The following MRTFB variants were observed in gnomAD, a reference collection of about 807,000 sequenced individuals.
MRTFB encodes the protein myocardin related transcription factor B.
MRTFB carries 29 observed loss-of-function variants against 104.2 expected under a neutral mutation model. That is an observed-to-expected ratio of 0.28 (90% CI 0.21 to 0.38). The LOEUF (loss-of-function observed/expected upper bound fraction) is 0.38. MRTFB is among the 10% of genes least tolerant of loss of function. MRTFB has a pLI of 1.00. For missense variants in MRTFB, 1,270 were observed against 1,341.6 expected (o/e 0.95, Z 0.83); for synonymous variants, 535 against 519.5 (o/e 1.03, Z -0.41).
intron 3 of MRTFB, among the ~76,000 whole-genome samples, chr16:14,175,508 T>G (rs1468575709): frequency 1.3e-5 from 2 of 152,246 alleles, no homozygotes; most frequent in Admixed American, 6.5e-5. Context: ...TATGGGCAGA[T>G]GATTGCAGTT....
the MRTFB span, among the ~76,000 whole-genome samples, chr16:14,017,709 ATATTTTTTTTT>A: frequency 0.012 from 193 of 15,914 alleles, 10 homozygotes; most frequent in African/African-American, 0.022. Flanking sequence ...ATATATATAT[ATATTTTTTTTT>A]TTTTTTTTTT....
chr16:14,180,034 C>T (rs983483478), intron 3 of MRTFB, among the ~76,000 whole-genome samples: 11 of 152,076 alleles, frequency 7.2e-5, no homozygotes, highest in African/African-American at 1.4e-4. Flanking sequence ...TGGTCTACAG[C>T]GATTGGAAGT....
At chr16:14,094,904 T>C (rs1372388243) in intron 2 of MRTFB, among the ~76,000 whole-genome samples, 23 of 152,218 alleles carry the variant, frequency 1.5e-4, no homozygotes, top group Non-Finnish European at 3.2e-4. Context: ...CTATCCTTTT[T>C]GTTACAGCTT....
the MRTFB span, among the ~76,000 whole-genome samples, chr16:14,023,606 C>CACACAT: frequency 1.0e-4 from 4 of 39,630 alleles, no homozygotes; most frequent in Middle Eastern, 8.9e-3. Flanking sequence ...CACACACACA[C>CACACAT]ACACATACAT....
chr16:14,063,935 A>G, the MRTFB span, among the ~76,000 whole-genome samples: 2 of 152,258 alleles, frequency 1.3e-5, no homozygotes, highest in African/African-American at 4.8e-5. Context: ...TGCAATGAAC[A>G]TACACATGCA....
At chr16:14,081,034 G>T (rs986498619) in intron 2 of MRTFB, among the ~76,000 whole-genome samples, 3 of 152,154 alleles carry the variant, frequency 2.0e-5, no homozygotes, top group Non-Finnish European at 4.4e-5. Context: ...GGGATTGCTG[G>T]ATCATATGGT....
chr16:14,137,039 C>G (rs1269577010), intron 2 of MRTFB, among the ~76,000 whole-genome samples: 2 of 152,128 alleles, frequency 1.3e-5, no homozygotes, highest in Non-Finnish European at 2.9e-5. Flanking sequence ...ACTTTTGTAA[C>G]TAAATTATGG....
At chr16:14,118,560 G>A (rs1277451307) in intron 2 of MRTFB, among the ~76,000 whole-genome samples, 5 of 151,836 alleles carry the variant, frequency 3.3e-5, no homozygotes, top group Admixed American at 1.3e-4. Flanking sequence ...CAGCACTTTG[G>A]GGAAACTGAG....
chr16:14,155,128 A>G (rs1420509830), intron 3 of MRTFB, among the ~76,000 whole-genome samples: 1 of 151,952 alleles, frequency 6.6e-6, no homozygotes, highest in Non-Finnish European at 1.5e-5. Flanking sequence ...GTCTCACTTC[A>G]TTCTTCTTGT....
chr16:14,111,801 A>C (rs972129609), intron 2 of MRTFB, among the ~76,000 whole-genome samples: 1 of 151,980 alleles, frequency 6.6e-6, no homozygotes, highest in African/African-American at 2.4e-5. Flanking sequence ...GCCTCTTTCT[A>C]CCTTTCACCC....
At chr16:14,073,375 C>G (rs999647505) in intron 1 of MRTFB, among the ~76,000 whole-genome samples, 1 of 152,168 alleles carries the variant, frequency 6.6e-6, no homozygotes, top group African/African-American at 2.4e-5. Context: ...GGGGCAGTTC[C>G]AGCTCCTTGG....
the MRTFB span, among the ~76,000 whole-genome samples, chr16:14,054,772 C>A: frequency 6.6e-6 from 1 of 152,254 alleles, no homozygotes; most frequent in South Asian, 2.1e-4. Flanking sequence ...CGAAGCTCCC[C>A]CTTAAAGTTC....
chr16:14,005,680 T>C, the MRTFB span, among the ~76,000 whole-genome samples: 2 of 152,164 alleles, frequency 1.3e-5, no homozygotes, highest in East Asian at 3.9e-4. Flanking sequence ...CCGGAGATGG[T>C]CCCAGAGATT....
intron 2 of MRTFB, among the ~76,000 whole-genome samples, chr16:14,096,497 T>C (rs1250924930): frequency 1.3e-5 from 2 of 152,330 alleles, no homozygotes; most frequent in East Asian, 3.9e-4. Context: ...CATTGGATTC[T>C]TTTAGAGAAA....
At chr16:14,237,939 A>T (rs1335188782) in intron 9 of MRTFB, among the ~76,000 whole-genome samples, 3 of 152,340 alleles carry the variant, frequency 2.0e-5, no homozygotes, top group African/African-American at 7.2e-5. Context: ...GCCACGTAGC[A>T]CTGATGAGCC....
chr16:14,167,423 A>G (rs2039281898), intron 3 of MRTFB, among the ~76,000 whole-genome samples: 1 of 152,126 alleles, frequency 6.6e-6, no homozygotes, highest in South Asian at 2.1e-4. Flanking sequence ...CCAGATGGAT[A>G]AATGGCAAAA....
chr16:14,228,385 G>A (rs1463823354), intron 8 of MRTFB, among the ~76,000 whole-genome samples: 1 of 152,136 alleles, frequency 6.6e-6, no homozygotes, highest in Non-Finnish European at 1.5e-5. Flanking sequence ...GACCATCCTG[G>A]CCAACATGGT....
At chr16:14,200,355 C>T (rs2040633744) in intron 3 of MRTFB, 3 of 1,608,004 alleles carry the variant, frequency 1.9e-6, no homozygotes, top group Middle Eastern at 1.7e-4. Context: ...CGTAGGGCCG[C>T]CATGTTGCAG....
chr16:14,258,104 T>TC lies in MRTFB; in HGVS notation c.2709dup (p.Asn904GlnfsTer9), dbSNP rs1465038590. The stretch of plus-strand genomic sequence containing the variant: ...TTTGTACTCTCCTTCATTGTAGATT[T>TC]CCAACGCTCACAGTCAGCAGATGGA... On this transcript the variant is annotated frameshift_variant, in exon 16 of 17. Coordinates refer to ENST00000571589, the MANE Select transcript of MRTFB (RefSeq NM_001308142.2). LOFTEE classifies it high-confidence loss of function. 1 of 1,613,750 alleles carries TC rather than the reference T, an allele frequency of 6.2e-7. No homozygotes were observed. The highest frequency in any genetic ancestry group is 8.5e-7 in the Non-Finnish European group (1 of 1,179,772).
Sources: allele counts gnomAD v4.1 joint callset (sites outside exome capture counted in the v4.1 genomes callset), GRCh38; gene constraint gnomAD v4.1.1; transcripts MANE v1.5; gene names NCBI Gene and HGNC (gene_info 2026-07-23, HGNC 2026-07-21).